Variants in SLC14A2 observed in about 807,000 individuals in gnomAD.
SLC14A2 encodes the protein solute carrier family 14 member 2.
In SLC14A2, 91 loss-of-function variants were observed where a neutral mutation model predicts 104.6. The ratio of observed to expected loss-of-function variants is 0.87; its 90% CI spans 0.73 to 1.04. The LOEUF is 1.04. SLC14A2 is among the 50% of genes least tolerant of loss of function. The pLI is 0.00. For synonymous variants in SLC14A2, 476 were observed against 466.4 expected, an observed-to-expected ratio of 1.02 and a Z score of -0.27; for missense variants, 1,189 against 1,156.0, an observed-to-expected ratio of 1.03 and a Z score of -0.41.
At chr18:45,593,688 A>G (rs1432671350) in intron 2 of SLC14A2, among the ~76,000 whole-genome samples, 1 of 151,784 alleles carries the variant, frequency 6.6e-6, no homozygotes, top group Non-Finnish European at 1.5e-5. Context: ...ACGGGGTTTC[A>G]CCGTGTTAGC....
the SLC14A2 span, among the ~76,000 whole-genome samples, chr18:45,178,883 T>A: frequency 6.6e-6 from 1 of 152,208 alleles, no homozygotes; most frequent in Non-Finnish European, 1.5e-5. Flanking sequence ...ATTTTTGAGC[T>A]GAAGAAAACA....
At chr18:45,418,615 A>G (rs1414320544) in intron 1 of SLC14A2, among the ~76,000 whole-genome samples, 1 of 152,232 alleles carries the variant, frequency 6.6e-6, no homozygotes, top group Non-Finnish European at 1.5e-5. Context: ...CTTGGTTACC[A>G]GGGGTCTTGA....
At chr18:45,325,691 A>G (rs7235262) in intron 1 of SLC14A2, among the ~76,000 whole-genome samples, 4,298 of 152,226 alleles carry the variant, frequency 0.028, 87 homozygotes, top group African/African-American at 0.047. Flanking sequence ...GGTCTTGGTG[A>G]GTATTCAGTC....
chr18:45,644,424 T>C (rs2045585019), intron 10 of SLC14A2: 3 of 366,768 alleles, frequency 8.2e-6, no homozygotes, highest in Non-Finnish European at 1.5e-5. Flanking sequence ...GGTGTGTGTC[T>C]TAAATGTTGT....
intron 1 of SLC14A2, among the ~76,000 whole-genome samples, chr18:45,239,308 T>C (rs187748799): frequency 2.5e-4 from 38 of 152,238 alleles, no homozygotes; most frequent in Admixed American, 1.5e-3. Context: ...CAGAGACCTG[T>C]AGGTGTATTA....
intron 7 of SLC14A2, among the ~76,000 whole-genome samples, 175 bp downstream of exon 7, chr18:45,640,068 TA>T (rs1323532378): frequency 3.3e-5 from 5 of 151,908 alleles, no homozygotes; most frequent in African/African-American, 7.3e-5. Context: ...CCGAGGCACA[TA>T]GATGACCTGA....
intron 2 of SLC14A2, among the ~76,000 whole-genome samples, chr18:45,600,551 TA>T (rs1447112693): frequency 2.0e-5 from 3 of 152,146 alleles, no homozygotes; most frequent in African/African-American, 7.2e-5. Context: ...AGGATTGGGC[TA>T]AGATGCTGCA....
intron 1 of SLC14A2, among the ~76,000 whole-genome samples, chr18:45,403,879 A>C (rs1308157468): frequency 1.4e-4 from 22 of 152,186 alleles, no homozygotes; most frequent in Admixed American, 1.4e-3. Context: ...GATAAAGGAC[A>C]AGCACTTCTG....
chr18:45,402,280 A>G (rs937714358), intron 1 of SLC14A2, among the ~76,000 whole-genome samples: 4 of 152,156 alleles, frequency 2.6e-5, no homozygotes, highest in African/African-American at 9.7e-5. Flanking sequence ...TGTCTATAAA[A>G]GATTATTGTC....
chr18:45,330,922 G>T (rs1374133346), intron 1 of SLC14A2, among the ~76,000 whole-genome samples: 1 of 152,116 alleles, frequency 6.6e-6, no homozygotes, highest in East Asian at 1.9e-4. Flanking sequence ...AGGATAAATT[G>T]ACACATACCA....
At chr18:45,404,329 T>C (rs1306310091) in intron 1 of SLC14A2, among the ~76,000 whole-genome samples, 2 of 152,234 alleles carry the variant, frequency 1.3e-5, no homozygotes, top group African/African-American at 4.8e-5. Flanking sequence ...AGTAAGGCTA[T>C]ATTTTTGATC....
chr18:45,218,635 G>A (rs1184413967), intron 1 of SLC14A2, among the ~76,000 whole-genome samples: 9 of 152,248 alleles, frequency 5.9e-5, no homozygotes, highest in Non-Finnish European at 1.3e-4. Flanking sequence ...TCGAGTAATA[G>A]CTTGGACTTT....
chr18:45,265,708 G>A (rs771432383), intron 1 of SLC14A2, among the ~76,000 whole-genome samples: 2 of 152,192 alleles, frequency 1.3e-5, no homozygotes, highest in East Asian at 1.9e-4. Context: ...TGAGTAAAAG[G>A]TGCTTCAGGA....
At chr18:45,466,927 A>C (rs1386170920) in intron 1 of SLC14A2, among the ~76,000 whole-genome samples, 1 of 151,860 alleles carries the variant, frequency 6.6e-6, no homozygotes, top group African/African-American at 2.4e-5. Context: ...GCAGGTAGAG[A>C]ACCCTTCTCC....
chr18:45,271,012 C>G (rs769069930), intron 1 of SLC14A2, among the ~76,000 whole-genome samples: 4 of 152,152 alleles, frequency 2.6e-5, no homozygotes, highest in Admixed American at 6.6e-5. Context: ...AAATGCCTTC[C>G]TTTATGTGTG....
chr18:45,485,153 A>ACT (rs1031053864), intron 2 of SLC14A2: 2 of 152,180 alleles, frequency 1.3e-5, no homozygotes, highest in African/African-American at 4.8e-5. Flanking sequence ...AGATGAAAGA[A>ACT]CTGACCCTCA....
intron 1 of SLC14A2, among the ~76,000 whole-genome samples, chr18:45,224,538 C>G (rs905256431): frequency 6.6e-6 from 1 of 151,882 alleles, no homozygotes; most frequent in South Asian, 2.1e-4. Flanking sequence ...AGACAGGAAA[C>G]CTTCAGAAAT....
chr18:45,514,452 T>C (rs1227072751), intron 2 of SLC14A2, among the ~76,000 whole-genome samples: 2 of 152,124 alleles, frequency 1.3e-5, no homozygotes, highest in Non-Finnish European at 2.9e-5. Flanking sequence ...AACTCCAACA[T>C]TGGGAATTAT....
chr18:45,184,502 G>A, the SLC14A2 span, among the ~76,000 whole-genome samples: 1 of 152,140 alleles, frequency 6.6e-6, no homozygotes, highest in African/African-American at 2.4e-5. Flanking sequence ...TTAGAATGGG[G>A]ATAAAGTTAG....
Sources: gnomAD v4.1 joint callset for allele counts (sites outside exome capture counted in the v4.1 genomes callset) on GRCh38, gnomAD v4.1.1 for gene constraint, MANE v1.5 for transcripts, NCBI Gene and HGNC (gene_info 2026-07-23, HGNC 2026-07-21) for gene names.